The following RTF1 variants were observed in gnomAD, a reference collection of about 807,000 sequenced individuals.
RTF1 encodes the protein RNA polymerase-associated protein RTF1 homolog.
RTF1 carries 10 observed loss-of-function variants against 95.7 expected under a neutral mutation model. The observed-to-expected ratio is 0.10, with a 90% confidence interval of 0.06 to 0.18. The LOEUF (loss-of-function observed/expected upper bound fraction) is 0.18. RTF1 is among the 10% of genes least tolerant of loss of function. The pLI, the probability that RTF1 is intolerant of heterozygous loss-of-function variation, is 1.00. For synonymous variants in RTF1, 305 were observed against 311.8 expected, an observed-to-expected ratio of 0.98 and a Z score of 0.23; for missense variants, 458 against 875.6, an observed-to-expected ratio of 0.52 and a Z score of 6.02.
In RTF1 at chr15:41,481,489, C is replaced by G. The variant is rs964547508; in HGVS notation, c.*802C>G. On this transcript the variant is annotated 3_prime_UTR_variant, in exon 18 of 18. Coordinates refer to ENST00000389629, the MANE Select transcript of RTF1 (RefSeq NM_015138.5). ...AGCTGTGTAACTTCCCCATTCCCAC[C>G]TACTCTTCCCATCCTTTCCCAACTT... 2.0e-5 allele frequency: 3 copies of G among 152,556 alleles called. No homozygotes were observed. The highest frequency in any genetic ancestry group is 2.9e-5 in the Non-Finnish European group (2 of 68,028). The allele number at this position is 152,556 out of a possible 1,614,324, so 9.5% of individuals were successfully genotyped here. A position where few individuals can be genotyped will look rare whatever the true frequency, so the allele number is the denominator to read the frequency against.
intron 2 of RTF1, among the ~76,000 whole-genome samples, chr15:41,446,051 C>T (rs1220632318): frequency 2.0e-5 from 3 of 152,076 alleles, no homozygotes; most frequent in Non-Finnish European, 4.4e-5. Context: ...TCCTCTGACT[C>T]TTTTTTTATT....
intron 1 of RTF1, among the ~76,000 whole-genome samples, chr15:41,422,062 T>A (rs1363949212): frequency 6.6e-6 from 1 of 151,766 alleles, no homozygotes; most frequent in Non-Finnish European, 1.5e-5. Context: ...TGAGATGGAG[T>A]CTCACTCTAT....
Position 41,436,456 on chromosome 15 carries a change from C to CAAA in RTF1, c.199-1848_199-1846dup, listed in dbSNP as rs1029344817. On this transcript the variant is annotated intron_variant, in intron 1 of 17. Transcript: ENST00000389629. The stretch of plus-strand genomic sequence containing the variant: ...TGGGTGACAGAGCGAGACTCCGTCT[C>CAAA]AAAAAAAAAAAAAAAAAAATTGCCA... Among the ~76,000 whole-genome samples, 436 of 63,864 alleles carry CAAA rather than the reference C, an allele frequency of 6.8e-3. 8 individuals are homozygous for CAAA. Among genetic ancestry groups the CAAA allele is most frequent in the African/African-American group, 0.023 (407 of 17,350 alleles). 41.9% of individuals were successfully genotyped at this position (63,864 alleles called of 152,430 possible). A position where few individuals can be genotyped will look rare whatever the true frequency, so the allele number is the denominator to read the frequency against.
intron 1 of RTF1, among the ~76,000 whole-genome samples, chr15:41,433,600 C>T (rs958498922): frequency 2.0e-5 from 3 of 152,130 alleles, no homozygotes; most frequent in East Asian, 3.9e-4. Context: ...GTATTACAAA[C>T]GTGAGCCACT....
chr15:41,443,164 T>A (rs1364956814), intron 2 of RTF1, among the ~76,000 whole-genome samples: 1 of 152,124 alleles, frequency 6.6e-6, no homozygotes, highest in Non-Finnish European at 1.5e-5. Context: ...GATATTTAGC[T>A]AATTGATGAG....
intron 8 of RTF1, among the ~76,000 whole-genome samples, chr15:41,473,453 T>G (rs1208110104): frequency 6.6e-6 from 1 of 151,826 alleles, no homozygotes; most frequent in Non-Finnish European, 1.5e-5. Flanking sequence ...TTTTTTTTTT[T>G]TTTTTGAGAC....
At chr15:41,470,650 C>CTTTTTTTTT (rs58221683) in intron 7 of RTF1, among the ~76,000 whole-genome samples, 10 of 75,490 alleles carry the variant, frequency 1.3e-4, no homozygotes, top group African/African-American at 2.0e-4. Context: ...CATTCATTTT[C>CTTTTTTTTT]TTTTTTTTTT....
chr15:41,418,104 C>T (rs1216441659), intron 1 of RTF1, among the ~76,000 whole-genome samples: 1 of 152,186 alleles, frequency 6.6e-6, no homozygotes, highest in Admixed American at 6.6e-5. Flanking sequence ...TAACTTTTGG[C>T]CTCAGTGTCT....
chr15:41,421,183 G>T (rs2050598521), intron 1 of RTF1, among the ~76,000 whole-genome samples: 2 of 152,090 alleles, frequency 1.3e-5, no homozygotes, highest in African/African-American at 4.8e-5. Context: ...TTGGCCAGGT[G>T]CAGTGGCTCA....
chr15:41,433,601 G>A (rs1011785355), intron 1 of RTF1, among the ~76,000 whole-genome samples: 8 of 151,936 alleles, frequency 5.3e-5, no homozygotes, highest in Non-Finnish European at 7.4e-5. Context: ...TATTACAAAC[G>A]TGAGCCACTG....
intron 1 of RTF1, among the ~76,000 whole-genome samples, chr15:41,421,401 A>T (rs1490164011): frequency 1.3e-5 from 2 of 151,236 alleles, no homozygotes; most frequent in African/African-American, 4.9e-5. Flanking sequence ...GGCTGTGGTG[A>T]GCCGAGATCG....
rs1699997946 is a variant in RTF1 at position 41,482,123 on chromosome 15, T to C, written c.*1436T>C. 1 of 152,314 alleles carries C rather than the reference T, an allele frequency of 6.6e-6. No homozygotes were observed. The highest frequency in any genetic ancestry group is 2.1e-4 in the South Asian group (1 of 4,828). The allele number at this position is 152,314 out of a possible 1,614,324, so 9.4% of individuals were successfully genotyped here. A position where few individuals can be genotyped will look rare whatever the true frequency, so the allele number is the denominator to read the frequency against. On this transcript the variant is annotated 3_prime_UTR_variant, in exon 18 of 18. Transcript: ENST00000389629. ...AATGTTTCAAGCATGTGCAGTTTTG[T>C]GTGTGTGTATACATATATATGGTCA...
intron 7 of RTF1, among the ~76,000 whole-genome samples, chr15:41,470,650 C>CTTTTTTTTTTT (rs58221683): frequency 7.9e-5 from 6 of 75,488 alleles, no homozygotes; most frequent in Non-Finnish European, 1.3e-4. Flanking sequence ...CATTCATTTT[C>CTTTTTTTTTTT]TTTTTTTTTT....
intron 9 of RTF1, among the ~76,000 whole-genome samples, 157 bp from the exon 10 acceptor site, chr15:41,475,367 AG>A (rs2050937237): frequency 6.6e-6 from 1 of 152,220 alleles, no homozygotes; most frequent in Admixed American, 6.5e-5. Context: ...CAATCTTGGC[AG>A]CTCATTAAAA....
intron 6 of RTF1, among the ~76,000 whole-genome samples, chr15:41,469,362 T>A (rs2050897655): frequency 6.6e-6 from 1 of 152,012 alleles, no homozygotes; most frequent in Non-Finnish European, 1.5e-5. Flanking sequence ...CTCTCTCTTT[T>A]TTTTTTAGCC....
intron 2 of RTF1, among the ~76,000 whole-genome samples, chr15:41,444,971 G>A (rs533827470): frequency 4.6e-5 from 7 of 151,162 alleles, no homozygotes; most frequent in African/African-American, 7.3e-5. Flanking sequence ...TCGGTCTGTC[G>A]CCCAGGCTGG....
chr15:41,471,118 CT>C lies in RTF1; in HGVS notation c.1026-52del, dbSNP rs1162834035. On this transcript the variant is annotated intron_variant, in intron 7 of 17. Transcript: ENST00000389629. ...TGAGGAGTTGATATTATTTTTCTGTCTTGTTCTGTTTTTATGATGAACATTT... is the reference window on the plus strand; with the variant it reads ...TGAGGAGTTGATATTATTTTTCTGTCTGTTCTGTTTTTATGATGAACATTT... 3 of 1,504,894 alleles carry C rather than the reference CT, an allele frequency of 2.0e-6. No individual in the cohort carries two copies. The East Asian group carries it at 6.8e-5, about 34-fold the overall frequency. The allele number at this position is 1,504,894 out of a possible 1,614,324, so 93.2% of individuals were successfully genotyped here. A position where few individuals can be genotyped will look rare whatever the true frequency, so the allele number is the denominator to read the frequency against.
chr15:41,461,682 G>A (rs1459140758), intron 4 of RTF1, among the ~76,000 whole-genome samples: 1 of 150,144 alleles, frequency 6.7e-6, no homozygotes, highest in African/African-American at 2.5e-5. Context: ...GTAGAGATGG[G>A]GTTTCACCGT....
intron 1 of RTF1, among the ~76,000 whole-genome samples, chr15:41,418,110 T>C (rs1041445015): frequency 2.6e-5 from 4 of 152,152 alleles, no homozygotes; most frequent in African/African-American, 9.7e-5. Flanking sequence ...TTGGCCTCAG[T>C]GTCTTGGGGT....
Sources: allele counts gnomAD v4.1 joint callset (sites outside exome capture counted in the v4.1 genomes callset), GRCh38; gene constraint gnomAD v4.1.1; transcripts MANE v1.5; gene names NCBI Gene and HGNC (gene_info 2026-07-23, HGNC 2026-07-21).